DNAH17: variants seen among roughly 807,000 people sequenced by gnomAD.
DNAH17 encodes the protein dynein axonemal heavy chain 17.
A neutral mutation model predicts 485.6 loss-of-function variants in DNAH17; 376 were observed. The ratio of observed to expected loss-of-function variants is 0.77; its 90% confidence interval spans 0.71 to 0.84. DNAH17 has a LOEUF of 0.84. Ranked by LOEUF, DNAH17 falls within the 40% of genes least tolerant of loss-of-function variation. The pLI, the probability that DNAH17 is intolerant of heterozygous loss-of-function variation, is 0.00. For synonymous variants in DNAH17, 3,031 were observed against 2,405.9 expected, an observed-to-expected ratio of 1.26 and a Z score of -7.60; for missense variants, 6,370 against 5,839.3, an observed-to-expected ratio of 1.09 and a Z score of -2.96.
intron 25 of DNAH17, among the ~76,000 whole-genome samples, chr17:78,523,538 G>GA (rs796529692): frequency 9.9e-5 from 15 of 151,296 alleles, no homozygotes; most frequent in African/African-American, 2.9e-4. Flanking sequence ...AAGTCAATTG[G>GA]AAAAAAAAAG....
At chr17:78,529,116 A>G (rs1048352535) in intron 22 of DNAH17, among the ~76,000 whole-genome samples, 1 of 151,942 alleles carries the variant, frequency 6.6e-6, no homozygotes, top group East Asian at 1.9e-4. Flanking sequence ...AATTTTCTAT[A>G]TTTTTGTAGA....
chr17:78,548,637 G>A (rs888955382), intron 16 of DNAH17, among the ~76,000 whole-genome samples: 1 of 152,130 alleles, frequency 6.6e-6, no homozygotes, highest in Admixed American at 6.5e-5. Flanking sequence ...GCCTCCTTTT[G>A]GTCCTAACCC....
At chr17:78,494,302 G>C (rs779945324) in intron 40 of DNAH17, 129 bp from the exon 41 acceptor site, 1 of 1,345,810 alleles carries the variant, frequency 7.4e-7, no homozygotes, top group South Asian at 1.5e-5. Context: ...ATGCACGTGC[G>C]TCTGCAAGTT....
At chr17:78,540,626 T>C (rs1197510570) in intron 17 of DNAH17, among the ~76,000 whole-genome samples, 1 of 125,514 alleles carries the variant, frequency 8.0e-6, no homozygotes, top group African/African-American at 3.1e-5. Context: ...AGTGGGTAGG[T>C]GTGTGAGTCC....
chr17:78,517,082 G>A (rs1479358131), intron 25 of DNAH17, among the ~76,000 whole-genome samples: 4 of 152,106 alleles, frequency 2.6e-5, no homozygotes, highest in African/African-American at 7.2e-5. Context: ...TCACTCTGTC[G>A]CCCAGGCTGG....
chr17:78,568,845 T>C (rs756023365), intron 9 of DNAH17, among the ~76,000 whole-genome samples: 16 of 152,218 alleles, frequency 1.1e-4, no homozygotes, highest in South Asian at 2.1e-4. Context: ...TTTGTAATAA[T>C]TGAGTCCCAC....
rs2091174346 is a variant in DNAH17 at position 78,529,619 on chromosome 17, A to G, written c.3360T>C (p.Asp1120=). ...GGTGCCCCATCACCTCCACAAGCCCATCATAGTCCCCCTCCTTGAGGGGCT... is the reference window on the plus strand; with the variant it reads ...GGTGCCCCATCACCTCCACAAGCCCGTCATAGTCCCCCTCCTTGAGGGGCT... ...LTKPLKEGDY[D]GLVEVMGHLM... Residue 1120 remains aspartate, a synonymous_variant, in exon 22 of 81, where the codon GAT becomes GAC. Coordinates refer to ENST00000389840, the MANE Select transcript of DNAH17 (RefSeq NM_173628.4). The G allele has an allele frequency of 6.2e-7, 1 of 1,613,786 alleles. No homozygotes were observed. The highest frequency in any genetic ancestry group is 1.7e-5 in the Admixed American group (1 of 60,008).
intron 56 of DNAH17, 46 bp downstream of exon 56, chr17:78,466,609 G>A: frequency 6.5e-7 from 1 of 1,543,466 alleles, no homozygotes; most frequent in Admixed American, 1.8e-5. Flanking sequence ...GCCTGTCCTT[G>A]TCCTCTGGGC....
Position 78,459,036 on chromosome 17 carries a change from G to C in DNAH17, c.9826C>G (p.Gln3276Glu). Residue 3276 changes from glutamine to glutamate, a missense_variant, in exon 61 of 81, where the codon CAA becomes GAA. Physicochemically the swap from Gln to Glu is conservative, Grantham distance 29. Coordinates refer to ENST00000389840, the MANE Select transcript of DNAH17 (RefSeq NM_173628.4). Reference protein sequence around the residue: ...EEANAELAEAQEKLSRIKNKI... With the variant: ...EEANAELAEAEEKLSRIKNKI... ...TTTTTGATCCGGGACAGCTTCTCTT[G>C]TGCCTCTGCCAGCTCTGCATTAGCC... The C allele has an allele frequency of 6.2e-7, 1 of 1,614,044 alleles. No individual in the cohort carries two copies. Among genetic ancestry groups the C allele is most frequent in the Non-Finnish European group, 8.5e-7 (1 of 1,179,906 alleles).
At chr17:78,438,954 T>C (rs895579738) in intron 73 of DNAH17, 136 bp downstream of exon 73, 1 of 1,311,060 alleles carries the variant, frequency 7.6e-7, no homozygotes, top group African/African-American at 1.5e-5. Context: ...GCCTCCTCCT[T>C]CAGTGGTGTT....
intron 68 of DNAH17, 45 bp from the exon 69 acceptor site, chr17:78,449,629 G>A (rs1304687166): frequency 6.5e-7 from 1 of 1,549,032 alleles, no homozygotes; most frequent in East Asian, 2.4e-5. Flanking sequence ...CAGAGATGGA[G>A]CCCTTCACCA....
rs1568258951 is a variant in DNAH17 at position 78,561,820 on chromosome 17, A to AG, written c.1729dup (p.Leu577ProfsTer51). On this transcript the variant is annotated frameshift_variant, in exon 12 of 81. Coordinates refer to ENST00000389840, the MANE Select transcript of DNAH17 (RefSeq NM_173628.4). LOFTEE classifies it high-confidence loss of function. ...CACGGGAGGCATGTTTTTGTGGATC[A>AG]GGGGGATGTTCCCCTCCTCGGAGGC... is the stretch of plus-strand genomic sequence containing the variant. The AG allele has an allele frequency of 1.2e-6, 2 of 1,613,732 alleles. No homozygotes were observed. The highest frequency in any genetic ancestry group is 1.7e-5 in the Admixed American group (1 of 59,978).
chr17:78,548,136 C>A (rs1231493138), intron 16 of DNAH17, among the ~76,000 whole-genome samples: 2 of 150,946 alleles, frequency 1.3e-5, no homozygotes, highest in East Asian at 1.9e-4. Flanking sequence ...TGTCCTTTCC[C>A]TTCTCTGCTT....
intron 77 of DNAH17, among the ~76,000 whole-genome samples, chr17:78,427,876 G>A (rs1208859900): frequency 6.6e-6 from 1 of 151,232 alleles, no homozygotes; most frequent in African/African-American, 2.4e-5. Context: ...TGAGCCAGGA[G>A]AATCGCTTGA....
At chr17:78,526,603 G>A in intron 24 of DNAH17, 48 bp downstream of exon 24, 1 of 1,465,876 alleles carries the variant, frequency 6.8e-7, no homozygotes, top group Non-Finnish European at 9.3e-7. Context: ...AAAGAAAGCA[G>A]TGGGGTTCCC....
At chr17:78,434,259 G>A (rs759446922) in intron 74 of DNAH17, 39 bp from the exon 75 acceptor site, 7 of 1,564,490 alleles carry the variant, frequency 4.5e-6, no homozygotes, top group Admixed American at 3.5e-5. Context: ...TAGGGAGAGG[G>A]AGAAGTTTAC....
intron 22 of DNAH17, 134 bp from the exon 23 acceptor site, chr17:78,527,130 C>G: frequency 8.9e-6 from 6 of 676,428 alleles, no homozygotes; most frequent in Non-Finnish European, 1.4e-5. Context: ...CACCTGTAAT[C>G]TCAGCACTTT....
In DNAH17 at chr17:78,494,738, G is replaced by T. The variant is rs2146686882; in HGVS notation, c.6125C>A (p.Ala2042Glu). Residue 2042 changes from alanine (A) to glutamate (E), a missense_variant, in exon 40 of 81, where the codon GCA (alanine) becomes GAA (glutamate). Transcript: ENST00000389840. ...CGCCCGCATGAGCACCTGGTCCTCT[G>T]CCCGGCTGGGGTCGCCCCTCTTCAG... ...GSLKRGDPSR[A>E]EDQVLMRALR... is the part of the protein sequence containing the mutation. The T allele has an allele frequency of 6.2e-7, 1 of 1,613,734 alleles. No individual in the cohort carries two copies. Among genetic ancestry groups the T allele is most frequent in the Non-Finnish European group, 8.5e-7 (1 of 1,179,880 alleles).
At chr17:78,488,463 T>G (rs2089709329) in intron 44 of DNAH17, among the ~76,000 whole-genome samples, 2 of 152,156 alleles carry the variant, frequency 1.3e-5, no homozygotes, top group South Asian at 4.1e-4. Context: ...CCACGCTGCC[T>G]TCGTTTCTGG....
Sources: gnomAD v4.1 joint callset for allele counts (sites outside exome capture counted in the v4.1 genomes callset) on GRCh38, gnomAD v4.1.1 for gene constraint, MANE v1.5 for transcripts, NCBI Gene and HGNC (gene_info 2026-07-23, HGNC 2026-07-21) for gene names.